Variants in CHRM3 observed in about 807,000 individuals in gnomAD.
The protein encoded by CHRM3 is cholinergic receptor muscarinic 3.
Under a neutral mutation model 41.8 loss-of-function variants are expected in CHRM3, and 11 were observed. The ratio of observed to expected loss-of-function variants is 0.26; its 90% CI spans 0.17 to 0.44. CHRM3 has a LOEUF of 0.44. Ranked by LOEUF, CHRM3 falls within the 20% of genes least tolerant of loss-of-function variation. The pLI is 1.00. For synonymous variants in CHRM3, 297 were observed against 301.4 expected (o/e 0.99, Z 0.15); for missense variants, 571 against 745.4 (o/e 0.77, Z 2.72).
intron 2 of CHRM3, among the ~76,000 whole-genome samples, chr1:239,509,830 G>A (rs1346522893): frequency 6.6e-6 from 1 of 152,210 alleles, no homozygotes; most frequent in African/African-American, 2.4e-5. Context: ...GCTCACGCCT[G>A]TAATCCCAGC....
At chr1:239,533,645 T>C (rs1420404572) in intron 2 of CHRM3, among the ~76,000 whole-genome samples, 2 of 145,554 alleles carry the variant, frequency 1.4e-5, no homozygotes, top group East Asian at 2.0e-4. Context: ...GCAGGAGAAT[T>C]GCTGGAACCC....
At chr1:239,482,144 C>G (rs1666897600) in intron 1 of CHRM3, among the ~76,000 whole-genome samples, 1 of 152,240 alleles carries the variant, frequency 6.6e-6, no homozygotes, top group Admixed American at 6.5e-5. Flanking sequence ...TCCTTTCTCT[C>G]CTCTGCTGGC....
intron 1 of CHRM3, among the ~76,000 whole-genome samples, chr1:239,449,255 C>A (rs1256456225): frequency 6.6e-6 from 1 of 152,126 alleles, no homozygotes; most frequent in Non-Finnish European, 1.5e-5. Context: ...TCTGGTGAAA[C>A]CCCAAAGACA....
intron 4 of CHRM3, among the ~76,000 whole-genome samples, chr1:239,636,653 A>G (rs1028429831): frequency 6.6e-5 from 10 of 152,154 alleles, no homozygotes; most frequent in Admixed American, 5.9e-4. Context: ...GATGATAATT[A>G]TATGTTTGGA....
chr1:239,744,457 C>CAA (rs1373173871), intron 5 of CHRM3, among the ~76,000 whole-genome samples: 1 of 152,040 alleles, frequency 6.6e-6, no homozygotes, highest in Non-Finnish European at 1.5e-5. Flanking sequence ...GGTTGAGCAA[C>CAA]AACCTGGAGA....
chr1:239,730,528 T>G (rs1663868568), intron 5 of CHRM3: 1 of 152,008 alleles, frequency 6.6e-6, no homozygotes, highest in Non-Finnish European at 1.5e-5. Flanking sequence ...AAAGTTTATC[T>G]GAATCTGGAA....
At chr1:239,775,788 G>A (rs931896773) in intron 5 of CHRM3, among the ~76,000 whole-genome samples, 3 of 152,190 alleles carry the variant, frequency 2.0e-5, no homozygotes, top group African/African-American at 7.2e-5. Context: ...CATAGGCCAG[G>A]ATTTGAAGAG....
chr1:239,435,586 A>C (rs1301882187), intron 1 of CHRM3, among the ~76,000 whole-genome samples: 1 of 152,190 alleles, frequency 6.6e-6, no homozygotes, highest in Non-Finnish European at 1.5e-5. Flanking sequence ...TTGCCTTCAA[A>C]TCAATATCTG....
chr1:239,719,640 A>G (rs1419144950), intron 5 of CHRM3: 2 of 152,080 alleles, frequency 1.3e-5, no homozygotes, highest in South Asian at 2.1e-4. Context: ...CATTTTCAGC[A>G]TGTGTCCACT....
At chr1:239,429,497 T>C (rs1662652436) in intron 1 of CHRM3, among the ~76,000 whole-genome samples, 1 of 152,194 alleles carries the variant, frequency 6.6e-6, no homozygotes, top group Non-Finnish European at 1.5e-5. Flanking sequence ...CTAGCTGTGA[T>C]CTAGTAGTCA....
chr1:239,825,961 G>A (rs1672423059), intron 5 of CHRM3, among the ~76,000 whole-genome samples: 1 of 152,142 alleles, frequency 6.6e-6, no homozygotes, highest in Admixed American at 6.5e-5. Context: ...GTCACAAAAT[G>A]ACAAATACTA....
chr1:239,430,084 A>C (rs913399426), intron 1 of CHRM3, among the ~76,000 whole-genome samples: 6 of 150,480 alleles, frequency 4.0e-5, no homozygotes, highest in African/African-American at 1.5e-4. Flanking sequence ...TCTCTGCCTC[A>C]GCCTCCTGAG....
In CHRM3 at chr1:239,827,329, T is replaced by C. The variant is rs1021263472; in HGVS notation, c.-69T>C. On this transcript the variant is annotated 5_prime_UTR_variant, in exon 6 of 7. Coordinates refer to ENST00000676153, the MANE Select transcript of CHRM3 (RefSeq NM_001375978.1). ...GCCGGGATCATCATGACCGTAGAGA[T>C]TATGTCACTGTTTTGCATCCTTGTT... 2 of 152,192 alleles carry C rather than the reference T, an allele frequency of 1.3e-5. No individual in the cohort carries two copies. The highest frequency in any genetic ancestry group is 4.8e-5 in the African/African-American group (2 of 41,440). 9.4% of individuals were successfully genotyped at this position (152,192 alleles called of 1,614,324 possible).
Position 239,428,223 on chromosome 1 carries a change from C to T in CHRM3, c.-521+40996C>T, listed in dbSNP as rs111787087. On this transcript the variant is annotated intron_variant, in intron 1 of 6. Coordinates refer to ENST00000676153, the MANE Select transcript of CHRM3 (RefSeq NM_001375978.1). ...ACAATGGTTAAAGAAGTAGCCTGCT[C>T]CTTTCTGCAGCTCCCTTAGGGTCTG... is the stretch of plus-strand genomic sequence containing the variant. Among the ~76,000 whole-genome samples, 636 of 152,310 alleles carry T rather than the reference C, an allele frequency of 4.2e-3. 2 individuals carry two copies. The highest frequency in any genetic ancestry group is 6.4e-3 in the Non-Finnish European group (432 of 68,022).
At chr1:239,866,051 C>T (rs1275327963) in intron 6 of CHRM3, among the ~76,000 whole-genome samples, 2 of 151,996 alleles carry the variant, frequency 1.3e-5, no homozygotes, top group Non-Finnish European at 2.9e-5. Flanking sequence ...CCCTATTTTA[C>T]GGATGGGAAA....
intron 5 of CHRM3, among the ~76,000 whole-genome samples, chr1:239,723,229 C>T (rs192317250): frequency 1.2e-3 from 189 of 151,904 alleles, no homozygotes; most frequent in South Asian, 3.7e-3. Context: ...ATACATGAAA[C>T]AATTCTGTTC....
intron 4 of CHRM3, among the ~76,000 whole-genome samples, chr1:239,655,620 G>C (rs1672643495): frequency 6.6e-6 from 1 of 152,110 alleles, no homozygotes; most frequent in Non-Finnish European, 1.5e-5. Context: ...TTTAAGCCAA[G>C]GATTGGGTGC....
intron 1 of CHRM3, among the ~76,000 whole-genome samples, chr1:239,476,779 T>C (rs1405805869): frequency 6.6e-6 from 1 of 152,192 alleles, no homozygotes; most frequent in Non-Finnish European, 1.5e-5. Flanking sequence ...TTTCAAATAA[T>C]ATGCTCAATG....
At chr1:239,539,612 T>C (rs937525197) in intron 2 of CHRM3, among the ~76,000 whole-genome samples, 7 of 152,196 alleles carry the variant, frequency 4.6e-5, no homozygotes, top group Admixed American at 1.3e-4. Context: ...TCTAAGATTA[T>C]ACTACTATTT....
Sources: allele counts gnomAD v4.1 joint callset (sites outside exome capture counted in the v4.1 genomes callset), GRCh38; gene constraint gnomAD v4.1.1; transcripts MANE v1.5; gene names NCBI Gene and HGNC (gene_info 2026-07-23, HGNC 2026-07-21).